The following CTNNA3 variants were observed in gnomAD, a reference collection of about 807,000 sequenced individuals.
The protein encoded by CTNNA3 is catenin alpha-3.
A neutral mutation model predicts 95.7 loss-of-function variants in CTNNA3; 76 were observed. The ratio of observed to expected loss-of-function variants is 0.79; its 90% CI spans 0.66 to 0.96. The LOEUF is 0.96. Among genes scored for constraint, CTNNA3 ranks in the 40% least tolerant of loss-of-function variants. The probability of loss-of-function intolerance (pLI) is 0.00; values close to 1 mark genes in which losing one functional copy is unlikely to be tolerated. For synonymous variants in CTNNA3, 431 were observed against 374.4 expected (o/e 1.15, Z -1.74); for missense variants, 1,191 against 1,089.8 (o/e 1.09, Z -1.31).
At position 67,200,765 on chromosome 10, in the gene CTNNA3, G is replaced by A. The variant is rs372529171; in HGVS notation, c.843+18842C>T. Among the ~76,000 whole-genome samples, 9 of 151,996 alleles carry A rather than the reference G, an allele frequency of 5.9e-5. No homozygotes were observed. In the South Asian group the frequency reaches 6.2e-4, roughly 11 times the overall value. ...CAGTCACGCATGCACTTTTCTTTCC[G>A]TTTCACAAAAACAACTGTAATGTGA... On this transcript the variant is annotated intron_variant, in intron 6 of 17. Coordinates refer to ENST00000433211, the MANE Select transcript of CTNNA3 (RefSeq NM_013266.4).
intron 5 of CTNNA3, among the ~76,000 whole-genome samples, chr10:67,415,810 T>C (rs1253062134): frequency 6.6e-6 from 1 of 151,994 alleles, no homozygotes; most frequent in Non-Finnish European, 1.5e-5. Flanking sequence ...CATAGACCAA[T>C]TGAACAGGTT....
chr10:66,255,237 T>C (rs1054807176), intron 13 of CTNNA3, among the ~76,000 whole-genome samples: 1 of 152,142 alleles, frequency 6.6e-6, no homozygotes. Context: ...CCTCTATCCA[T>C]GGTAGGCACC....
chr10:67,064,957 G>T (rs1170094225), intron 7 of CTNNA3, among the ~76,000 whole-genome samples: 1 of 152,120 alleles, frequency 6.6e-6, no homozygotes, highest in African/African-American at 2.4e-5. Context: ...GCATGTAACT[G>T]CCCAGACCCT....
chr10:66,401,518 AACACAC>A (rs140986771), intron 11 of CTNNA3, among the ~76,000 whole-genome samples: 13,689 of 143,900 alleles, frequency 0.095, 839 homozygotes, highest in African/African-American at 0.18. Context: ...TGTGTCTCAA[AACACAC>A]ACACACACAC....
At chr10:66,915,752 AT>A (rs3056549) in intron 7 of CTNNA3, among the ~76,000 whole-genome samples, 97,211 of 137,136 alleles carry the variant, frequency 0.71, 35,886 homozygotes, top group South Asian at 0.81. Context: ...ACATATATAC[AT>A]TTTTTTTTTT....
Position 66,080,714 on chromosome 10 carries a change from T to C in CTNNA3, c.1978-11225A>G, listed in dbSNP as rs553554031. 2.2e-4 allele frequency among the ~76,000 whole-genome samples: 34 copies of C among 152,256 alleles called. 1 individual carries two copies. The highest frequency in any genetic ancestry group is 7.9e-4 in the African/African-American group (33 of 41,572). ...AGGCAGAGATGGAACTCAACTCTGC[T>C]GAAGCGAAGTGAAGGAGAGTTTTTA... On this transcript the variant is annotated intron_variant, in intron 14 of 17. Coordinates refer to ENST00000433211, the MANE Select transcript of CTNNA3 (RefSeq NM_013266.4).
chr10:66,691,267 T>A lies in CTNNA3; in HGVS notation c.1282-69483A>T, dbSNP rs544775129. Among the ~76,000 whole-genome samples the A allele has an allele frequency of 7.9e-5, 12 of 152,236 alleles. No individual in the cohort carries two copies. The East Asian group carries it at 1.5e-3, about 20-fold the overall frequency. ...GGTCACTCCCACCCTAATACTGCGC[T>A]TTTCTGATGGGCTTAAAAAACGGCG... On this transcript the variant is annotated intron_variant, in intron 9 of 17. Transcript: ENST00000433211.
chr10:67,683,409 T>C (rs566507450), intron 1 of CTNNA3, among the ~76,000 whole-genome samples: 1 of 152,320 alleles, frequency 6.6e-6, no homozygotes, highest in African/African-American at 2.4e-5. Flanking sequence ...ACACAAGTCA[T>C]ATAGAATGAA....
chr10:67,404,368 C>T (rs1368165069), intron 5 of CTNNA3, among the ~76,000 whole-genome samples: 1 of 151,888 alleles, frequency 6.6e-6, no homozygotes, highest in South Asian at 2.1e-4. Flanking sequence ...ATATAACCAA[C>T]CTGATAGAGC....
At chr10:67,066,337 T>C (rs939380388) in intron 7 of CTNNA3, among the ~76,000 whole-genome samples, 3 of 151,670 alleles carry the variant, frequency 2.0e-5, no homozygotes, top group African/African-American at 4.8e-5. Flanking sequence ...GGACTACAGG[T>C]GTGCGCCACC....
At chr10:65,995,265 T>C (rs530668903) in intron 15 of CTNNA3, among the ~76,000 whole-genome samples, 12 of 152,370 alleles carry the variant, frequency 7.9e-5, no homozygotes, top group African/African-American at 2.4e-4. Context: ...TATCTTTGCA[T>C]ATGGTGTAAG....
chr10:66,044,305 C>T (rs2079774080), intron 15 of CTNNA3, among the ~76,000 whole-genome samples: 1 of 152,088 alleles, frequency 6.6e-6, no homozygotes, highest in Non-Finnish European at 1.5e-5. Context: ...ATTTTTTATC[C>T]AGAAAAATCA....
intron 3 of CTNNA3, among the ~76,000 whole-genome samples, chr10:67,601,767 AT>A: frequency 6.6e-6 from 1 of 152,202 alleles, no homozygotes; most frequent in African/African-American, 2.4e-5. Context: ...AAGCCATAAG[AT>A]CATGAGTAAC....
In CTNNA3 at chr10:66,873,296, T is replaced by C. The variant is rs181704890; in HGVS notation, c.1048-97772A>G. 3.1e-3 allele frequency among the ~76,000 whole-genome samples: 470 copies of C among 152,308 alleles called. 1 individual carries two copies. Among genetic ancestry groups the C allele is most frequent in the African/African-American group, 0.011 (438 of 41,576 alleles). On this transcript the variant is annotated intron_variant, in intron 7 of 17. Coordinates refer to ENST00000433211, the MANE Select transcript of CTNNA3 (RefSeq NM_013266.4). ...GCTTTCCACAGTGGCTGAACTAATT[T>C]ATATTGCCACCAACAGTGTATAAGC...
intron 9 of CTNNA3, among the ~76,000 whole-genome samples, chr10:66,641,197 T>C (rs1187513020): frequency 1.3e-5 from 2 of 152,172 alleles, no homozygotes; most frequent in African/African-American, 4.8e-5. Flanking sequence ...ATGAAGTTGT[T>C]GAGAAATGCT....
intron 15 of CTNNA3, among the ~76,000 whole-genome samples, chr10:66,043,025 A>T (rs531886395): frequency 1.3e-5 from 2 of 150,830 alleles, no homozygotes; most frequent in Non-Finnish European, 3.0e-5. Flanking sequence ...GATGAAATTG[A>T]CCATCTAATT....
intron 12 of CTNNA3, among the ~76,000 whole-genome samples, chr10:66,367,052 G>A (rs1315373220): frequency 6.6e-6 from 1 of 152,060 alleles, no homozygotes; most frequent in Non-Finnish European, 1.5e-5. Context: ...CACACACCCG[G>A]GCCTGGGAGA....
intron 1 of CTNNA3, among the ~76,000 whole-genome samples, chr10:67,715,632 T>C (rs972647059): frequency 3.3e-5 from 5 of 152,152 alleles, no homozygotes; most frequent in Non-Finnish European, 5.9e-5. Context: ...GTGGTTCATC[T>C]GGAAACTGGC....
chr10:66,621,250 G>A (rs563025411), intron 10 of CTNNA3, among the ~76,000 whole-genome samples: 1 of 152,174 alleles, frequency 6.6e-6, no homozygotes, highest in Non-Finnish European at 1.5e-5. Context: ...ATTCCAATAT[G>A]GCCACTTAAA....
Sources: allele counts gnomAD v4.1 joint callset (sites outside exome capture counted in the v4.1 genomes callset), GRCh38; gene constraint gnomAD v4.1.1; transcripts MANE v1.5; gene names NCBI Gene and HGNC (gene_info 2026-07-23, HGNC 2026-07-21).